Variants in DDB1 observed in about 807,000 individuals in gnomAD.
DDB1 encodes DNA damage-binding protein 1.
A neutral mutation model predicts 133.1 loss-of-function variants in DDB1; 18 were observed. That is an observed-to-expected ratio of 0.14 (90% CI 0.09 to 0.20). The LOEUF (loss-of-function observed/expected upper bound fraction) is 0.20, where lower values mean the gene tolerates loss of function less well. Ranked by LOEUF, DDB1 falls within the 10% of genes least tolerant of loss-of-function variation. The pLI is 1.00. For synonymous variants in DDB1, 580 were observed against 550.5 expected (o/e 1.05, Z -0.75); for missense variants, 828 against 1,459.2 (o/e 0.57, Z 7.05).
chr11:61,302,619 T>C lies in DDB1; in HGVS notation c.3075A>G (p.Gln1025=). ...QNLGETSTPT[Q]GSVLFGTVNG... is the part of the protein sequence containing the mutation. ...TGACCGTGCCGAAGAGCACCGAGCC[T>C]TGTGTGGGGGTGGAAGTCTCACCCA... The change falls in exon 24 of 27, where the codon CAA becomes CAG. Residue 1025 remains glutamine (Q), a synonymous_variant. Coordinates refer to ENST00000301764, the MANE Select transcript of DDB1 (RefSeq NM_001923.5). The C allele has an allele frequency of 1.9e-6, 3 of 1,614,128 alleles. No homozygotes were observed. The highest frequency in any genetic ancestry group is 1.6e-4 in the Middle Eastern group (1 of 6,062).
chr11:61,321,421 C>G, intron 10 of DDB1, 174 bp downstream of exon 10: 7 of 171,746 alleles, frequency 4.1e-5, no homozygotes, highest in Admixed American at 8.3e-5. Context: ...TTTTTTTTTT[C>G]TAAAGTTTAC....
chr11:61,330,105 G>A (rs762343599), intron 2 of DDB1, 31 bp from the exon 3 acceptor site: 7 of 1,569,524 alleles, frequency 4.5e-6, no homozygotes, highest in Non-Finnish European at 5.2e-6. Flanking sequence ...ATCAAAAGAG[G>A]TTCTTTTTAA....
chr11:61,321,480 T>C (rs1856180053), intron 10 of DDB1, 115 bp downstream of exon 10: 11 of 819,362 alleles, frequency 1.3e-5, no homozygotes, highest in Non-Finnish European at 2.3e-5. Flanking sequence ...GTTACGACTT[T>C]CACTCTTCAC....
At position 61,314,349 on chromosome 11, in the gene DDB1, G is replaced by A. The variant is rs200559051; in HGVS notation, c.1548C>T (p.Leu516=). ...SQVVVAVGRA[L]YYLQIHPQEL... ...CCTGAGGATGGATCTGCAGATAGTAGAGGGCCCTGCCTACAGCCACCACCA... is the reference window on the plus strand; with the variant it reads ...CCTGAGGATGGATCTGCAGATAGTAAAGGGCCCTGCCTACAGCCACCACCA... The change falls in exon 13 of 27, where the codon CTC becomes CTT. Residue 516 remains leucine (L), a synonymous_variant. Transcript: ENST00000301764. 1.9e-5 allele frequency: 31 copies of A among 1,613,968 alleles called. No individual in the cohort carries two copies. The highest frequency in any genetic ancestry group is 2.6e-5 in the Non-Finnish European group (31 of 1,180,004).
chr11:61,311,420 C>A, intron 18 of DDB1: 1 of 219,210 alleles, frequency 4.6e-6, no homozygotes, highest in Non-Finnish European at 8.7e-6. Context: ...CCAGTAGGCA[C>A]TTTTGAAAAG....
intron 7 of DDB1, 56 bp from the exon 8 acceptor site, chr11:61,323,150 G>T: frequency 7.2e-7 from 1 of 1,385,038 alleles, no homozygotes; most frequent in Non-Finnish European, 1.0e-6. Flanking sequence ...GTGGGATCCA[G>T]ATACTACCCA....
At chr11:61,310,673 A>T (rs890270041) in intron 18 of DDB1, 4 of 327,374 alleles carry the variant, frequency 1.2e-5, no homozygotes, top group African/African-American at 8.5e-5. Flanking sequence ...ACAGCTAAAA[A>T]GGAACTCAGG....
rs749780879 is a variant in DDB1, at chr11:61,314,063, C to T, written c.1737G>A (p.Lys579=). The part of the protein sequence containing the change: ...LKLPSFELLH[K]EMLGGEIIPR... ...GACACATACCTCCACCCAGCATCTC[C>T]TTGTGCAGTAGTTCAAAAGAGGGCA... is the stretch of plus-strand genomic sequence containing the variant. Residue 579 remains lysine, a synonymous_variant, in exon 14 of 27, where the codon AAG becomes AAA. Transcript: ENST00000301764. 6 of 1,613,930 alleles carry T rather than the reference C, an allele frequency of 3.7e-6. No homozygotes were observed. The African/African-American group carries it at 8.0e-5, about 22-fold the overall frequency.
chr11:61,322,274 C>T lies in DDB1; in HGVS notation c.1122+22G>A, dbSNP rs775544952. 5 of 1,582,008 alleles carry T rather than the reference C, an allele frequency of 3.2e-6. No homozygotes were observed. The East Asian group carries it at 8.9e-5, about 28-fold the overall frequency. On this transcript the variant is annotated intron_variant, in intron 9 of 26. Coordinates refer to ENST00000301764, the MANE Select transcript of DDB1 (RefSeq NM_001923.5). ...GTTTGAGTGGGCATATACCAACTAT[C>T]CACTTTCAGAATGGCCCTTACCTGC...
chr11:61,300,108 G>A lies in DDB1; in HGVS notation c.*28C>T. The A allele has an allele frequency of 6.2e-7, 1 of 1,609,854 alleles. No homozygotes were observed. ...GCAGCAGGGCAAAGCCTTTGGGGAG[G>A]GTCAGCAAAGGGGCCCCCTGCCCTT... On this transcript the variant is annotated 3_prime_UTR_variant, in exon 27 of 27. Coordinates refer to ENST00000301764, the MANE Select transcript of DDB1 (RefSeq NM_001923.5).
At chr11:61,304,601 G>A (rs1047822451) in intron 21 of DDB1, among the ~76,000 whole-genome samples, 3 of 152,140 alleles carry the variant, frequency 2.0e-5, no homozygotes, top group Non-Finnish European at 2.9e-5. Context: ...GCAGCCGGCC[G>A]CAGTGGCTCA....
At chr11:61,308,244 C>T (rs1411551245) in intron 21 of DDB1, among the ~76,000 whole-genome samples, 1 of 152,194 alleles carries the variant, frequency 6.6e-6, no homozygotes, top group Non-Finnish European at 1.5e-5. Flanking sequence ...CCCACTCTCA[C>T]CTATGACCTA....
chr11:61,304,099 A>C (rs569143813), intron 21 of DDB1, 64 bp from the exon 22 acceptor site: 4 of 1,580,612 alleles, frequency 2.5e-6, no homozygotes, highest in Non-Finnish European at 3.5e-6. Flanking sequence ...ACTCCCCCCA[A>C]CTCTTCGACC....
At chr11:61,310,071 C>T (rs1217140738) in intron 19 of DDB1, 111 bp from the exon 20 acceptor site, 1 of 1,449,272 alleles carries the variant, frequency 6.9e-7, no homozygotes, top group East Asian at 2.3e-5. Context: ...CGTGTACCAC[C>T]TGCTGTCCCT....
Position 61,302,603 on chromosome 11 carries a change from C to T in DDB1, c.3091G>A (p.Gly1031Ser), listed in dbSNP as rs1488424487. Residue 1031 changes from glycine (G) to serine (S), a missense_variant, in exon 24 of 27, where the codon GGC becomes AGC. By Grantham distance (56) the Gly-to-Ser change is moderately conservative. Transcript: ENST00000301764. ...STPTQGSVLF[G>S]TVNGMIGLVT... is the part of the protein sequence containing the mutation. ...TTACCTATCATGCCGTTGACCGTGC[C>T]GAAGAGCACCGAGCCTTGTGTGGGG... is the stretch of plus-strand genomic sequence containing the variant. 3 of 1,614,144 alleles carry T rather than the reference C, an allele frequency of 1.9e-6. No homozygotes were observed. Among genetic ancestry groups the T allele is most frequent in the Non-Finnish European group, 2.5e-6 (3 of 1,180,006 alleles).
At chr11:61,304,119 C>T in intron 21 of DDB1, 84 bp from the exon 22 acceptor site, 2 of 1,490,702 alleles carry the variant, frequency 1.3e-6, no homozygotes, top group Non-Finnish European at 1.8e-6. Context: ...CCTTCATCTG[C>T]AGCACTACTT....
chr11:61,308,922 G>C, intron 21 of DDB1, 61 bp downstream of exon 21: 1 of 1,531,280 alleles, frequency 6.5e-7, no homozygotes, highest in Admixed American at 1.7e-5. Flanking sequence ...ACCTAAGAGA[G>C]ACACATTCTG....
intron 25 of DDB1, 32 bp from the exon 26 acceptor site, chr11:61,300,964 T>C (rs376265409): frequency 1.9e-6 from 3 of 1,613,094 alleles, no homozygotes; most frequent in Middle Eastern, 1.6e-4. Flanking sequence ...CACGTGCTTA[T>C]CAGGAAACAC....
In DDB1 at chr11:61,332,712, G is replaced by A; in HGVS notation, c.61+196C>T. ...GGACGAAAGGGGACCCTCGAGAGCG[G>A]CTTCCAACCCCCAAAAAGCGCGTAC... On this transcript the variant is annotated intron_variant, in intron 1 of 26. Transcript: ENST00000301764. The A allele has an allele frequency of 4.4e-6, 2 of 451,602 alleles. 1 individual carries two copies. 28.0% of individuals were successfully genotyped at this position (451,602 alleles called of 1,614,324 possible). A position where few individuals can be genotyped will look rare whatever the true frequency, so the allele number is the denominator to read the frequency against.
Sources: allele counts gnomAD v4.1 joint callset (sites outside exome capture counted in the v4.1 genomes callset), GRCh38; gene constraint gnomAD v4.1.1; transcripts MANE v1.5; gene names NCBI Gene and HGNC (gene_info 2026-07-23, HGNC 2026-07-21).